The following ATG14 variants were observed in gnomAD, a reference collection of about 807,000 sequenced individuals.
The protein encoded by ATG14 is autophagy related 14.
Under a neutral mutation model 60.4 loss-of-function variants are expected in ATG14, and 35 were observed. The ratio of observed to expected loss-of-function variants is 0.58; its 90% CI spans 0.44 to 0.77. The LOEUF (loss-of-function observed/expected upper bound fraction) is 0.77. ATG14 is among the 30% of genes least tolerant of loss of function. The pLI is 0.00. For synonymous variants in ATG14, 234 were observed against 228.8 expected (o/e 1.02, Z -0.21); for missense variants, 647 against 626.3 (o/e 1.03, Z -0.35).
chr14:55,376,276 A>G (rs950180269), intron 9 of ATG14, among the ~76,000 whole-genome samples: 4 of 152,246 alleles, frequency 2.6e-5, no homozygotes, highest in African/African-American at 9.6e-5. Context: ...ATAGTGGCCC[A>G]ATAAATATTA....
At chr14:55,386,156 A>C (rs1885122972) in intron 4 of ATG14, 60 bp from the exon 5 acceptor site, 1 of 1,377,750 alleles carries the variant, frequency 7.3e-7, no homozygotes, top group Admixed American at 2.1e-5. Context: ...TGTACTGCAG[A>C]GCTCCACCCC....
chr14:55,395,026 T>C (rs1336425540), intron 3 of ATG14: 1 of 477,566 alleles, frequency 2.1e-6, no homozygotes, highest in Non-Finnish European at 4.2e-6. Flanking sequence ...ATCTTCAGTT[T>C]CTTGGTTAGC....
chr14:55,373,767 A>AT lies in ATG14; in HGVS notation c.1173-3843dup, dbSNP rs530408929. 9.6e-3 allele frequency among the ~76,000 whole-genome samples: 1,416 copies of AT among 147,762 alleles called. 30 individuals carry two copies. Among genetic ancestry groups the AT allele is most frequent in the African/African-American group, 0.034 (1,353 of 39,978 alleles). On this transcript the variant is annotated intron_variant, in intron 9 of 9. Coordinates refer to ENST00000247178, the MANE Select transcript of ATG14 (RefSeq NM_014924.5). The stretch of plus-strand genomic sequence containing the variant: ...AGCCACCATGCCTGGTCCTATTTTT[A>AT]TTTTTTTGTAATTTTTCTGTAAGTT...
chr14:55,379,322 G>A lies in ATG14; in HGVS notation c.996-1248C>T, dbSNP rs562479260. 3.9e-5 allele frequency among the ~76,000 whole-genome samples: 6 copies of A among 152,020 alleles called. No homozygotes were observed. In the East Asian group the frequency reaches 5.9e-4, roughly 15 times the overall value. On this transcript the variant is annotated intron_variant, in intron 7 of 9. Coordinates refer to ENST00000247178, the MANE Select transcript of ATG14 (RefSeq NM_014924.5). Reference sequence around the variant, plus strand: ...AGGCAGAGGAGGGCGGATCGCTTGAGCCCAGGAGTTCAAGACCAGCCTGGG... The same window carrying A: ...AGGCAGAGGAGGGCGGATCGCTTGAACCCAGGAGTTCAAGACCAGCCTGGG...
intron 1 of ATG14, 38 bp downstream of exon 1, chr14:55,411,564 C>A: frequency 6.4e-7 from 1 of 1,569,130 alleles, no homozygotes; most frequent in Non-Finnish European, 8.6e-7. Context: ...GGAGGACACA[C>A]AGCAGAAGAA....
At chr14:55,405,709 G>A (rs1429673410) in intron 1 of ATG14, among the ~76,000 whole-genome samples, 2 of 152,190 alleles carry the variant, frequency 1.3e-5, no homozygotes. Flanking sequence ...AATCCATACA[G>A]TTCTGTTCCT....
rs1884718095 is a variant in ATG14 at position 55,367,908 on chromosome 14, T to C, written c.*1711A>G. 3 of 152,544 alleles carry C rather than the reference T, an allele frequency of 2.0e-5. No individual in the cohort carries two copies. The highest frequency in any genetic ancestry group is 1.3e-4 in the Admixed American group (2 of 15,272). The allele number at this position is 152,544 out of a possible 1,614,324, so 9.4% of individuals were successfully genotyped here. A position where few individuals can be genotyped will look rare whatever the true frequency, so the allele number is the denominator to read the frequency against. ...AAATATACCATTAGCAAAAGCTATA[T>C]AGCACCTCGGACTTGGAGGCAAAGT... On this transcript the variant is annotated 3_prime_UTR_variant, in exon 10 of 10. Coordinates refer to ENST00000247178, the MANE Select transcript of ATG14 (RefSeq NM_014924.5).
At chr14:55,403,631 G>C (rs1885445745) in intron 1 of ATG14, among the ~76,000 whole-genome samples, 1 of 151,800 alleles carries the variant, frequency 6.6e-6, no homozygotes, top group Non-Finnish European at 1.5e-5. Context: ...ATAATATTGT[G>C]TACCGGCATG....
chr14:55,407,364 T>A (rs1448477583), intron 1 of ATG14, among the ~76,000 whole-genome samples: 1 of 152,134 alleles, frequency 6.6e-6, no homozygotes, highest in Non-Finnish European at 1.5e-5. Context: ...CTCTTGACCT[T>A]GTAATCTGCC....
intron 3 of ATG14, 107 bp downstream of exon 3, chr14:55,395,833 G>T: frequency 1.4e-6 from 1 of 718,870 alleles, no homozygotes; most frequent in South Asian, 4.0e-5. Context: ...TTAAGTAGAG[G>T]ACTGCTAAAT....
chr14:55,409,192 G>T (rs1465517171), intron 1 of ATG14, among the ~76,000 whole-genome samples: 1 of 152,148 alleles, frequency 6.6e-6, no homozygotes, highest in African/African-American at 2.4e-5. Context: ...ATGCAGAGAG[G>T]AAGAGAAAAA....
Position 55,366,615 on chromosome 14 carries a change from TC to T in ATG14, c.*3003del, listed in dbSNP as rs1164564025. The T allele has an allele frequency of 6.8e-6, 1 of 147,786 alleles. No homozygotes were observed. The highest frequency in any genetic ancestry group is 1.5e-5 in the Non-Finnish European group (1 of 67,584). The allele number at this position is 147,786 out of a possible 1,614,324, so 9.2% of individuals were successfully genotyped here. A position where few individuals can be genotyped will look rare whatever the true frequency, so the allele number is the denominator to read the frequency against. On this transcript the variant is annotated 3_prime_UTR_variant, in exon 10 of 10. Transcript: ENST00000247178. The stretch of plus-strand genomic sequence containing the variant: ...CTACCCAATGGTGATATACTGTTTT[TC>T]CCCCTTACAGATGTGCAAAACTTTT...
At chr14:55,380,417 A>G (rs934693534) in intron 7 of ATG14, among the ~76,000 whole-genome samples, 156 bp downstream of exon 7, 1 of 152,232 alleles carries the variant, frequency 6.6e-6, no homozygotes. Context: ...GAATCTGCAC[A>G]TAAGGCTTTT....
At chr14:55,372,224 C>T (rs1483179004) in intron 9 of ATG14, among the ~76,000 whole-genome samples, 1 of 152,116 alleles carries the variant, frequency 6.6e-6, no homozygotes, top group South Asian at 2.1e-4. Context: ...TACCTGTTAT[C>T]ATTAAATAAG....
intron 9 of ATG14, 43 bp from the exon 10 acceptor site, chr14:55,369,968 C>G: frequency 1.3e-6 from 2 of 1,525,322 alleles, no homozygotes; most frequent in Non-Finnish European, 8.8e-7. Context: ...AACAACCATT[C>G]TCAACACCAG....
intron 1 of ATG14, among the ~76,000 whole-genome samples, chr14:55,405,332 C>T (rs1055980248): frequency 1.3e-5 from 2 of 152,166 alleles, no homozygotes; most frequent in South Asian, 4.1e-4. Context: ...TAAATTTCTT[C>T]CTCATCCTTT....
At chr14:55,385,034 C>T (rs891423508) in intron 5 of ATG14, among the ~76,000 whole-genome samples, 5 of 152,172 alleles carry the variant, frequency 3.3e-5, no homozygotes, top group Non-Finnish European at 5.9e-5. Context: ...ACCGAAGTCA[C>T]GGTATTCAGT....
At chr14:55,395,082 C>A (rs1440085423) in intron 3 of ATG14, 2 of 503,744 alleles carry the variant, frequency 4.0e-6, no homozygotes, top group African/African-American at 3.9e-5. Context: ...CTTTTGTTTG[C>A]ACTTTTTTGT....
intron 3 of ATG14, chr14:55,395,211 G>A: frequency 2.6e-6 from 1 of 383,228 alleles, no homozygotes; most frequent in Non-Finnish European, 5.3e-6. Flanking sequence ...CCATTCAGTG[G>A]AGCTGACCTT....
Sources: gnomAD v4.1 joint callset for allele counts (sites outside exome capture counted in the v4.1 genomes callset) on GRCh38, gnomAD v4.1.1 for gene constraint, MANE v1.5 for transcripts, NCBI Gene and HGNC (gene_info 2026-07-23, HGNC 2026-07-21) for gene names.